AMZ2: variants seen among roughly 807,000 people sequenced by gnomAD.
The protein encoded by AMZ2 is archaelysin family metallopeptidase 2, also known as archaemetzincin-2.
A neutral mutation model predicts 36.7 loss-of-function variants in AMZ2; 26 were observed. The ratio of observed to expected loss-of-function variants is 0.71; its 90% confidence interval spans 0.52 to 0.98. The LOEUF (loss-of-function observed/expected upper bound fraction) is 0.98, where lower values mean the gene tolerates loss of function less well. Among genes scored for constraint, AMZ2 ranks in the 50% least tolerant of loss-of-function variants. The probability of loss-of-function intolerance (pLI) is 0.00; values close to 1 mark genes in which losing one functional copy is unlikely to be tolerated. For missense variants in AMZ2, 394 were observed against 430.5 expected (o/e 0.92, Z 0.75); for synonymous variants, 144 against 149.1 (o/e 0.97, Z 0.25).
At chr17:68,225,219 G>A (rs12937332) in intron 1 of AMZ2, among the ~76,000 whole-genome samples, 53,915 of 151,822 alleles carry the variant, frequency 0.36, 10,681 homozygotes, top group African/African-American at 0.54. Flanking sequence ...CTGGAAACCA[G>A]TGTGTGAAAT....
chr17:68,228,839 T>C (rs1171961583), intron 1 of AMZ2, among the ~76,000 whole-genome samples: 4 of 152,236 alleles, frequency 2.6e-5, no homozygotes, highest in African/African-American at 4.8e-5. Flanking sequence ...CACCACTGCC[T>C]CAAGCAGCCT....
chr17:68,224,986 T>G (rs1297129252), intron 1 of AMZ2, among the ~76,000 whole-genome samples: 8 of 147,270 alleles, frequency 5.4e-5, no homozygotes, highest in African/African-American at 1.8e-4. Context: ...GAGACCAGCC[T>G]GGCTACCATG....
chr17:68,248,253 C>T lies in AMZ2; in HGVS notation c.-453C>T, dbSNP rs16972851. On this transcript the variant is annotated 5_prime_UTR_variant, in exon 1 of 7. Coordinates refer to ENST00000359904, the MANE Select transcript of AMZ2 (RefSeq NM_016627.5). ...CGGACGTGGCGGAAGCCGCGGGGTCCGCGGGGTCGGTGCCTCTAGGGAGCC... is the reference window on the plus strand; with the variant it reads ...CGGACGTGGCGGAAGCCGCGGGGTCTGCGGGGTCGGTGCCTCTAGGGAGCC... 1.2e-3 allele frequency: 1,191 copies of T among 985,886 alleles called. 61 individuals carry two copies. In the East Asian group the frequency reaches 0.11, roughly 93 times the overall value. 61.1% of individuals were successfully genotyped at this position (985,886 alleles called of 1,614,324 possible).
rs782813420 is a variant in AMZ2, at chr17:68,254,541, A to G, written c.724A>G (p.Ser242Gly). 2 of 1,612,524 alleles carry G rather than the reference A, an allele frequency of 1.2e-6. No homozygotes were observed. Among genetic ancestry groups the G allele is most frequent in the South Asian group, 2.2e-5 (2 of 90,822 alleles). ...FDNYYIPEIT[S>G]VLLLRSCKTL... Reference sequence around the variant, plus strand: ...CAACTATTATATTCCAGAAATAACTAGTGTTTTACTACTTCGATCCTGTAA... The same window carrying G: ...CAACTATTATATTCCAGAAATAACTGGTGTTTTACTACTTCGATCCTGTAA... The change falls in exon 5 of 7, where the codon AGT becomes GGT. Residue 242 changes from serine to glycine, a missense_variant. Transcript: ENST00000359904.
chr17:68,253,034 G>A lies in AMZ2; in HGVS notation c.587-1370G>A, dbSNP rs1363257366. On this transcript the variant is annotated intron_variant, in intron 4 of 6. Transcript: ENST00000359904. ...GACAATATCTTAACACAGTGGTCTT[G>A]TTTTCTCCGAGTTTACAAAGATTGA... Among the ~76,000 whole-genome samples, 4 of 152,166 alleles carry A rather than the reference G, an allele frequency of 2.6e-5. No homozygotes were observed. The East Asian group carries it at 7.7e-4, about 29-fold the overall frequency.
upstream of AMZ2, among the ~76,000 whole-genome samples, chr17:68,243,663 C>T (rs2073947818): frequency 6.6e-6 from 1 of 152,082 alleles, no homozygotes; most frequent in Admixed American, 6.6e-5. Context: ...ATTAATACTC[C>T]ATGTCAGGTT....
At chr17:68,242,430 A>G (rs1295352928) in intron 1 of AMZ2, among the ~76,000 whole-genome samples, 1 of 150,058 alleles carries the variant, frequency 6.7e-6, no homozygotes, top group Non-Finnish European at 1.5e-5. Context: ...ATAGATTATT[A>G]TTTATCAGCA....
At chr17:68,209,666 G>A (rs1398751493) in intron 1 of AMZ2, among the ~76,000 whole-genome samples, 1 of 130,942 alleles carries the variant, frequency 7.6e-6, no homozygotes, top group African/African-American at 2.9e-5. Flanking sequence ...TCTCCTCTCA[G>A]GCTGGAGTGC....
chr17:68,211,874 G>GTGTA (rs1555726169), intron 1 of AMZ2, among the ~76,000 whole-genome samples: 2,141 of 134,808 alleles, frequency 0.016, 153 homozygotes, highest in East Asian at 0.15. Context: ...ATATGTGTGT[G>GTGTA]TATGTATATA....
chr17:68,209,197 C>CT (rs34960416), intron 1 of AMZ2, among the ~76,000 whole-genome samples: 18,363 of 141,914 alleles, frequency 0.13, 2,988 homozygotes, highest in African/African-American at 0.39. Context: ...AATTTTAGTA[C>CT]TTTTTTTTTT....
At chr17:68,215,486 G>A (rs1187605581) in intron 1 of AMZ2, among the ~76,000 whole-genome samples, 3 of 137,272 alleles carry the variant, frequency 2.2e-5, no homozygotes, top group Non-Finnish European at 4.9e-5. Context: ...CCTAGGAGGC[G>A]GAGGTTGCAA....
In AMZ2 at chr17:68,217,368, A is replaced by C. The variant is rs1210372873; in HGVS notation, c.-67+11130A>C. On this transcript the variant is annotated intron_variant, in intron 1 of 7. Coordinates refer to the AMZ2 transcript ENST00000674770. ...TTTAAGTTTATTTGCTTTAAAAGCT[A>C]TAGTCGTCATTCAAATTGCCTTTTT... Among the ~76,000 whole-genome samples the C allele has an allele frequency of 5.3e-5, 8 of 152,352 alleles. No homozygotes were observed. The South Asian group carries it at 1.4e-3, about 28-fold the overall frequency.
rs1460525637 is a variant in AMZ2, at chr17:68,222,365, G to A, written c.-67+16127G>A. On this transcript the variant is annotated intron_variant, in intron 1 of 7. Coordinates refer to the AMZ2 transcript ENST00000674770. Reference sequence around the variant, plus strand: ...AGCTACACGCACAGTGGCTGAAGCCGTGGGTTGTAGGGAGATTGTTCTAGG... The same window carrying A: ...AGCTACACGCACAGTGGCTGAAGCCATGGGTTGTAGGGAGATTGTTCTAGG... Among the ~76,000 whole-genome samples the A allele has an allele frequency of 1.3e-4, 20 of 152,212 alleles. No individual in the cohort carries two copies. The East Asian group carries it at 1.5e-3, about 12-fold the overall frequency.
intron 1 of AMZ2, among the ~76,000 whole-genome samples, chr17:68,209,632 A>ATGTATATATATATT: frequency 4.4e-5 from 4 of 90,688 alleles, no homozygotes; most frequent in Non-Finnish European, 8.0e-5. Context: ...ATATATATAT[A>ATGTATATATATATT]TTTTTTTTTT....
At chr17:68,211,724 GTATATGTA>G (rs1322374893) in intron 1 of AMZ2, among the ~76,000 whole-genome samples, 5 of 107,280 alleles carry the variant, frequency 4.7e-5, no homozygotes, top group African/African-American at 1.8e-4. Flanking sequence ...GTATATATAT[GTATATGTA>G]TATATGTGTA....
At chr17:68,255,429 G>T (rs782254699) in intron 5 of AMZ2, among the ~76,000 whole-genome samples, 16 of 152,148 alleles carry the variant, frequency 1.1e-4, no homozygotes, top group Non-Finnish European at 2.1e-4. Context: ...GCAAAGCATC[G>T]CACAGTGCAC....
At chr17:68,219,698 A>ATTTTTT (rs71142147) in intron 1 of AMZ2, among the ~76,000 whole-genome samples, 5 of 141,866 alleles carry the variant, frequency 3.5e-5, no homozygotes, top group African/African-American at 1.0e-4. Flanking sequence ...CATCTGGCAA[A>ATTTTTT]TTTTTTTTTT....
At chr17:68,252,438 TATC>T (rs2074554303) in intron 4 of AMZ2, among the ~76,000 whole-genome samples, 1 of 152,250 alleles carries the variant, frequency 6.6e-6, no homozygotes, top group African/African-American at 2.4e-5. Context: ...GGTAGCTTTT[TATC>T]ATAAGTTTTC....
At chr17:68,217,257 A>G (rs1342048142) in intron 1 of AMZ2, among the ~76,000 whole-genome samples, 7 of 152,166 alleles carry the variant, frequency 4.6e-5, no homozygotes, top group Middle Eastern at 3.2e-3. Flanking sequence ...TTTTTGATAC[A>G]TTGTCGAGGA....
Sources: gnomAD v4.1 joint callset for allele counts (sites outside exome capture counted in the v4.1 genomes callset) on GRCh38, gnomAD v4.1.1 for gene constraint, MANE v1.5 for transcripts, NCBI Gene and HGNC (gene_info 2026-07-23, HGNC 2026-07-21) for gene names.